Variants in ATG13 observed in about 807,000 individuals in gnomAD.
The protein encoded by ATG13 is autophagy related 13.
Under a neutral mutation model 65.5 loss-of-function variants are expected in ATG13, and 23 were observed. The observed-to-expected ratio is 0.35, with a 90% CI of 0.25 to 0.50. The LOEUF is 0.50. ATG13 is among the 20% of genes least tolerant of loss of function. ATG13 has a pLI of 0.98. For missense variants in ATG13, 566 were observed against 677.0 expected (o/e 0.84, Z 1.82); for synonymous variants, 252 against 245.2 (o/e 1.03, Z -0.26).
intron 2 of ATG13, among the ~76,000 whole-genome samples, chr11:46,635,185 T>C (rs2053528525): frequency 6.6e-6 from 1 of 151,884 alleles, no homozygotes; most frequent in African/African-American, 2.4e-5. Context: ...TTTTGTATTT[T>C]TAGTAGAGAC....
At chr11:46,642,725 C>G (rs2056453173) in intron 2 of ATG13, among the ~76,000 whole-genome samples, 2 of 152,190 alleles carry the variant, frequency 1.3e-5, no homozygotes, top group Admixed American at 1.3e-4. Context: ...CAAAAGTGTT[C>G]TGCATTATGC....
chr11:46,642,866 C>G (rs896657007), intron 2 of ATG13, among the ~76,000 whole-genome samples: 1 of 152,172 alleles, frequency 6.6e-6, no homozygotes, highest in Non-Finnish European at 1.5e-5. Context: ...CTTCTAGACG[C>G]TGATTGTATT....
chr11:46,626,022 C>CTT (rs1420627851), intron 1 of ATG13, among the ~76,000 whole-genome samples: 1 of 152,134 alleles, frequency 6.6e-6, no homozygotes, highest in Non-Finnish European at 1.5e-5. Flanking sequence ...GTGATGTGAT[C>CTT]TTGGCTCACT....
chr11:46,658,633 T>G (rs1459342600), intron 10 of ATG13, among the ~76,000 whole-genome samples: 1 of 151,860 alleles, frequency 6.6e-6, no homozygotes, highest in Non-Finnish European at 1.5e-5. Context: ...CCTCTTGGGT[T>G]CAAACAGTTC....
chr11:46,633,278 C>T (rs915204186), intron 2 of ATG13, among the ~76,000 whole-genome samples: 3 of 151,198 alleles, frequency 2.0e-5, no homozygotes, highest in African/African-American at 4.9e-5. Flanking sequence ...GCCTCACCCT[C>T]CCAAAGTGCT....
chr11:46,646,025 A>C, intron 5 of ATG13, 36 bp downstream of exon 5: 1 of 1,612,866 alleles, frequency 6.2e-7, no homozygotes, highest in Non-Finnish European at 8.5e-7. Context: ...TTCATTTAGC[A>C]CTGAAGGCTC....
At chr11:46,654,788 A>C (rs2059677098) in intron 7 of ATG13, among the ~76,000 whole-genome samples, 1 of 151,648 alleles carries the variant, frequency 6.6e-6, no homozygotes, top group Non-Finnish European at 1.5e-5. Flanking sequence ...GTCTCTACCA[A>C]AAATTATTTT....
chr11:46,622,198 A>C (rs993483288), intron 1 of ATG13, among the ~76,000 whole-genome samples: 1 of 144,676 alleles, frequency 6.9e-6, no homozygotes, highest in South Asian at 2.2e-4. Flanking sequence ...GCTCACTGCA[A>C]CCTCCACCTC....
intron 17 of ATG13, 76 bp from the exon 18 acceptor site, chr11:46,669,328 G>A (rs1330208685): frequency 1.3e-6 from 2 of 1,544,008 alleles, no homozygotes; most frequent in African/African-American, 1.4e-5. Flanking sequence ...ATAATTGCTA[G>A]AAGGAAAGAC....
At chr11:46,660,625 G>A (rs1350674495) in intron 11 of ATG13, among the ~76,000 whole-genome samples, 1 of 151,334 alleles carries the variant, frequency 6.6e-6, no homozygotes, top group Non-Finnish European at 1.5e-5. Context: ...AGCCAGGATG[G>A]TCTCGATCTC....
chr11:46,620,603 C>T (rs1434453836), intron 1 of ATG13, among the ~76,000 whole-genome samples: 1 of 151,684 alleles, frequency 6.6e-6, no homozygotes, highest in Non-Finnish European at 1.5e-5. Context: ...TGGAGAAACC[C>T]TGTCTCTACC....
At chr11:46,622,229 C>T (rs1408593501) in intron 1 of ATG13, among the ~76,000 whole-genome samples, 2 of 150,308 alleles carry the variant, frequency 1.3e-5, no homozygotes, top group African/African-American at 2.4e-5. Context: ...GCGATTCTCC[C>T]GCCTCAGCCT....
intron 1 of ATG13, among the ~76,000 whole-genome samples, chr11:46,620,495 G>T (rs961328068): frequency 6.6e-6 from 1 of 151,976 alleles, no homozygotes; most frequent in Non-Finnish European, 1.5e-5. Context: ...ACTCAATTGG[G>T]CTGGGCGCGG....
Position 46,634,149 on chromosome 11 carries a change from T to A in ATG13, c.-14+4049T>A, listed in dbSNP as rs1011546097. ...TCTTGCTCTATCGCCAGGCTAGAGT[T>A]CAGTGGCACGATCTCAGCTCACTGC... On this transcript the variant is annotated intron_variant, in intron 2 of 18. Transcript: ENST00000683050. Among the ~76,000 whole-genome samples, 3 of 151,988 alleles carry A rather than the reference T, an allele frequency of 2.0e-5. No individual in the cohort carries two copies. In the East Asian group the frequency reaches 5.8e-4, roughly 29 times the overall value.
intron 8 of ATG13, among the ~76,000 whole-genome samples, chr11:46,656,734 C>CT (rs1331270444): frequency 1.3e-5 from 2 of 152,118 alleles, no homozygotes; most frequent in Non-Finnish European, 2.9e-5. Flanking sequence ...CCTTCATTGT[C>CT]TTTTTTAGCA....
intron 5 of ATG13, 105 bp from the exon 6 acceptor site, chr11:46,649,032 C>T: frequency 3.7e-6 from 3 of 821,484 alleles, no homozygotes; most frequent in Non-Finnish European, 3.5e-6. Flanking sequence ...GATATCTATT[C>T]TTTTTTTTTT....
intron 1 of ATG13, among the ~76,000 whole-genome samples, chr11:46,629,419 C>G (rs1452138832): frequency 1.3e-5 from 2 of 152,006 alleles, no homozygotes; most frequent in African/African-American, 2.4e-5. Flanking sequence ...TTTTCCGAGA[C>G]AGAGTCTCAG....
At chr11:46,623,420 TTTTTTGTTTTTG>T (rs973687500) in intron 1 of ATG13, among the ~76,000 whole-genome samples, 8 of 152,050 alleles carry the variant, frequency 5.3e-5, no homozygotes, top group African/African-American at 1.4e-4. Flanking sequence ...CTAGTTTTGT[TTTTTTGTTTTTG>T]TTTTTGTTTT....
At chr11:46,622,904 C>T (rs1381735018) in intron 1 of ATG13, among the ~76,000 whole-genome samples, 5 of 152,102 alleles carry the variant, frequency 3.3e-5, no homozygotes, top group Non-Finnish European at 7.4e-5. Context: ...CTGTAGTGGA[C>T]TGGCCGTGGT....
Sources: gnomAD v4.1 joint callset for allele counts (sites outside exome capture counted in the v4.1 genomes callset) on GRCh38, gnomAD v4.1.1 for gene constraint, MANE v1.5 for transcripts, NCBI Gene and HGNC (gene_info 2026-07-23, HGNC 2026-07-21) for gene names.